The following EIF4B variants were observed in gnomAD, a reference collection of about 807,000 sequenced individuals.
EIF4B encodes the protein eukaryotic translation initiation factor 4B.
Under a neutral mutation model 79.3 loss-of-function variants are expected in EIF4B, and 8 were observed. That is an observed-to-expected ratio of 0.10 (90% CI 0.06 to 0.18). EIF4B has a LOEUF of 0.18. EIF4B is among the 10% of genes least tolerant of loss of function. The pLI, the probability that EIF4B is intolerant of heterozygous loss-of-function variation, is 1.00. For synonymous variants in EIF4B, 238 were observed against 274.7 expected (o/e 0.87, Z 1.32); for missense variants, 515 against 792.4 (o/e 0.65, Z 4.20).
intron 8 of EIF4B, among the ~76,000 whole-genome samples, chr12:53,028,453 G>T (rs1444238701): frequency 6.6e-6 from 1 of 151,814 alleles, no homozygotes; most frequent in Non-Finnish European, 1.5e-5. Context: ...TACTAGGGAG[G>T]CTGAGAGAGA....
chr12:53,020,941 A>G (rs1035073565), intron 4 of EIF4B, among the ~76,000 whole-genome samples: 1 of 152,216 alleles, frequency 6.6e-6, no homozygotes, highest in Non-Finnish European at 1.5e-5. Flanking sequence ...ATTGTTAACT[A>G]TTTGATGTTT....
intron 6 of EIF4B, among the ~76,000 whole-genome samples, chr12:53,027,404 G>A (rs1336259054): frequency 2.0e-5 from 3 of 151,108 alleles, no homozygotes; most frequent in African/African-American, 7.3e-5. Flanking sequence ...AGTGCTGCTG[G>A]GATTACAGGC....
rs1310089666 is a variant in EIF4B at position 53,018,854 on chromosome 12, C to T, written c.208C>T (p.Arg70Cys). The change falls in exon 3 of 15, where the codon CGT becomes TGT. Residue 70 changes from arginine (R) to cysteine (C), a missense_variant. Physicochemically the swap from Arg to Cys is radical, Grantham distance 180 (BLOSUM62 -3). This residue lies in a region of EIF4B where 105 missense variants were observed against 177.2 expected (regional missense o/e 0.59). Transcript: ENST00000262056. The part of the protein sequence containing the change: ...DDVYRAPPID[R>C]SILPTAPRAA... ...TGTGTATAGGGCGCCTCCAATTGAC[C>T]GTTCCATCCTTCCCACTGCTCCACG... 11 of 1,613,504 alleles carry T rather than the reference C, an allele frequency of 6.8e-6. No individual in the cohort carries two copies. The highest frequency in any genetic ancestry group is 1.7e-6 in the Non-Finnish European group (2 of 1,179,888).
intron 6 of EIF4B, among the ~76,000 whole-genome samples, chr12:53,026,978 AT>A (rs1419957978): frequency 2.6e-5 from 4 of 151,934 alleles, no homozygotes; most frequent in Admixed American, 1.3e-4. Flanking sequence ...ATTGTTTCTC[AT>A]TTTGTTTGCC....
intron 11 of EIF4B, 73 bp downstream of exon 11, chr12:53,037,695 C>T (rs1943562751): frequency 6.6e-7 from 1 of 1,524,742 alleles, no homozygotes; most frequent in African/African-American, 1.4e-5. Context: ...TGGAAGATCT[C>T]CTACGGGATG....
Position 53,030,413 on chromosome 12 carries a change from C to CTTTTTTTTTTTT in EIF4B, c.979+2239_979+2250dup, listed in dbSNP as rs759061266. Among the ~76,000 whole-genome samples, 192 of 43,076 alleles carry CTTTTTTTTTTTT rather than the reference C, an allele frequency of 4.5e-3. 49 individuals carry two copies. Among genetic ancestry groups the CTTTTTTTTTTTT allele is most frequent in the Non-Finnish European group, 5.2e-3 (88 of 16,850 alleles). 28.3% of individuals were successfully genotyped at this position (43,076 alleles called of 152,430 possible). ...GAAATAGGTTTTAAAAAATTATATTCTTTTTTTTTTTTTTTTTTTTTTTTT... is the reference window on the plus strand; with the variant it reads ...GAAATAGGTTTTAAAAAATTATATTCTTTTTTTTTTTTTTTTTTTTTTTTTTTTTTTTTTTTT... On this transcript the variant is annotated intron_variant, in intron 8 of 14. Coordinates refer to ENST00000262056, the MANE Select transcript of EIF4B (RefSeq NM_001417.7).
At chr12:53,019,437 A>ATATATTTTTTTTTCTTTT (rs1943205076) in intron 3 of EIF4B, among the ~76,000 whole-genome samples, 1 of 51,008 alleles carries the variant, frequency 2.0e-5, no homozygotes, top group Non-Finnish European at 3.7e-5. Context: ...ATATATATAT[A>ATATATTTTTTTTTCTTTT]TTTTTTTTTT....
intron 5 of EIF4B, 144 bp downstream of exon 5, chr12:53,022,004 G>T: frequency 2.2e-6 from 2 of 919,358 alleles, no homozygotes; most frequent in Non-Finnish European, 3.4e-6. Flanking sequence ...CCCCACAGGG[G>T]ACTTCTGGCA....
chr12:53,027,935 G>T lies in EIF4B; in HGVS notation c.805+16G>T, dbSNP rs371572038. 1,290 of 1,610,300 alleles carry T rather than the reference G, an allele frequency of 8.0e-4. 10 individuals carry two copies. The highest frequency in any genetic ancestry group is 7.1e-3 in the Middle Eastern group (43 of 6,056). Reference sequence around the variant, plus strand: ...TATGATAGAGGTAATTGTAAAACATGTCGAATTGCTCTTTCAGTAACTTTG... The same window carrying T: ...TATGATAGAGGTAATTGTAAAACATTTCGAATTGCTCTTTCAGTAACTTTG... On this transcript the variant is annotated intron_variant, in intron 7 of 14. Transcript: ENST00000262056.
intron 5 of EIF4B, chr12:53,022,230 G>A (rs1409329331): frequency 5.9e-6 from 4 of 683,432 alleles, no homozygotes; most frequent in African/African-American, 1.8e-5. Flanking sequence ...GTCACAAAGG[G>A]GACCTAATTT....
In EIF4B at chr12:53,016,508, C is replaced by T. The variant is rs1384945761; in HGVS notation, c.49C>T (p.Leu17=). The T allele has an allele frequency of 1.2e-6, 2 of 1,613,022 alleles. No homozygotes were observed. The highest frequency in any genetic ancestry group is 1.7e-6 in the Non-Finnish European group (2 of 1,179,864). ...GAATAAGAAGGGGAAGACTATCTCC[C>T]TAACAGACTTTCTGGCTGAGGATGG... ...KKNKKGKTIS[L]TDFLAEDGGT... is the part of the protein sequence containing the mutation. The change falls in exon 2 of 15, where the codon CTA becomes TTA. Residue 17 remains leucine (L), a synonymous_variant. Transcript: ENST00000262056.
In EIF4B at chr12:53,039,223, T is replaced by C. The variant is rs542705312; in HGVS notation, c.1577-15T>C. 1 of 1,571,048 alleles carries C rather than the reference T, an allele frequency of 6.4e-7. No individual in the cohort carries two copies. The highest frequency in any genetic ancestry group is 2.3e-5 in the East Asian group (1 of 44,386). Reference sequence around the variant, plus strand: ...TTTACTTGCCTTTAATTTGTTTACATTACTGCCCAAGCAGATGAAAATAAA... The same window carrying C: ...TTTACTTGCCTTTAATTTGTTTACACTACTGCCCAAGCAGATGAAAATAAA... On this transcript the variant is annotated splice_polypyrimidine_tract_variant and intron_variant, in intron 12 of 14. Transcript: ENST00000262056.
chr12:53,017,748 C>T lies in EIF4B; in HGVS notation c.152-1050C>T, dbSNP rs548664079. Among the ~76,000 whole-genome samples, 211 of 152,190 alleles carry T rather than the reference C, an allele frequency of 1.4e-3. 1 individual carries two copies. The highest frequency in any genetic ancestry group is 4.6e-3 in the African/African-American group (193 of 41,524). ...AGTTGGGATTACAGGTGCCCGCCAC[C>T]GCGCCCAGCAAATTTTGTATTTTTA... is the stretch of plus-strand genomic sequence containing the variant. On this transcript the variant is annotated intron_variant, in intron 2 of 14. Coordinates refer to ENST00000262056, the MANE Select transcript of EIF4B (RefSeq NM_001417.7).
At chr12:53,022,721 CAGAT>C (rs747815655) in intron 6 of EIF4B, 94 bp downstream of exon 6, 147 of 1,416,134 alleles carry the variant, frequency 1.0e-4, no homozygotes, top group African/African-American at 8.7e-4. Flanking sequence ...ATCACATTAA[CAGAT>C]AGAAGGAGGA....
intron 3 of EIF4B, 68 bp downstream of exon 3, chr12:53,019,074 A>T (rs1036984486): frequency 1.3e-6 from 2 of 1,536,990 alleles, no homozygotes; most frequent in Non-Finnish European, 1.8e-6. Flanking sequence ...TAATTGTGGA[A>T]TGGGCAGTTG....
At position 53,024,395 on chromosome 12, in the gene EIF4B, TATTA is replaced by T. The variant is rs1943300155; in HGVS notation, c.667+1771_667+1774del. ...TAAATTTGAAAACAATACCATGTAG[TATTA>T]ATGCATAAGTTGTAAAATTATAAAG... On this transcript the variant is annotated intron_variant, in intron 6 of 14. Transcript: ENST00000262056. Among the ~76,000 whole-genome samples, 5 of 152,332 alleles carry T rather than the reference TATTA, an allele frequency of 3.3e-5. No homozygotes were observed. The South Asian group carries it at 1.0e-3, about 32-fold the overall frequency.
chr12:53,039,380 A>G, intron 13 of EIF4B, 37 bp downstream of exon 13: 2 of 1,485,042 alleles, frequency 1.3e-6, no homozygotes, highest in South Asian at 1.2e-5. Flanking sequence ...CCTCTGATCC[A>G]CATGTTTGTG....
At chr12:53,037,362 G>C in intron 10 of EIF4B, 47 bp from the exon 11 acceptor site, 2 of 1,569,250 alleles carry the variant, frequency 1.3e-6, no homozygotes, top group Non-Finnish European at 1.7e-6. Flanking sequence ...GTAGATGCGT[G>C]AGCATCTGCA....
intron 1 of EIF4B, among the ~76,000 whole-genome samples, chr12:53,009,941 G>C (rs1397078532): frequency 1.3e-5 from 2 of 152,196 alleles, no homozygotes; most frequent in Non-Finnish European, 2.9e-5. Flanking sequence ...AACTGAACTT[G>C]AGTACAGTAT....
Sources: gnomAD v4.1 joint callset for allele counts (sites outside exome capture counted in the v4.1 genomes callset) on GRCh38, gnomAD v4.1.1 for gene constraint, gnomAD v4.1.1 regional missense constraint, MANE v1.5 for transcripts, NCBI Gene and HGNC (gene_info 2026-07-23, HGNC 2026-07-21) for gene names.